The following THRAP3 variants were observed in gnomAD, a reference collection of about 807,000 sequenced individuals.
The protein encoded by THRAP3 is thyroid hormone receptor associated protein 3, also known as thyroid hormone receptor-associated protein 3.
Under a neutral mutation model 101.0 loss-of-function variants are expected in THRAP3, and 16 were observed. The observed-to-expected ratio is 0.16, with a 90% CI of 0.11 to 0.24. The LOEUF (loss-of-function observed/expected upper bound fraction) is 0.24, where lower values mean the gene tolerates loss of function less well. THRAP3 is among the 10% of genes least tolerant of loss of function. The pLI is 1.00. For synonymous variants in THRAP3, 407 were observed against 422.6 expected, an observed-to-expected ratio of 0.96 and a Z score of 0.45; for missense variants, 989 against 1,202.7, an observed-to-expected ratio of 0.82 and a Z score of 2.63.
chr1:36,249,719 T>TGTGTGTGTGTGTGTGG (rs778135723), intron 1 of THRAP3, among the ~76,000 whole-genome samples: 1 of 149,158 alleles, frequency 6.7e-6, no homozygotes, highest in South Asian at 2.1e-4. Flanking sequence ...TGTGTGTGTG[T>TGTGTGTGTGTGTGTGG]GGTGGAGGTT....
At chr1:36,291,254 C>T (rs1430432039) in intron 5 of THRAP3, 120 bp from the exon 6 acceptor site, 22 of 1,055,436 alleles carry the variant, frequency 2.1e-5, no homozygotes, top group Admixed American at 5.6e-5. Context: ...CTTTCAACTT[C>T]GGTAGGAAGA....
At chr1:36,254,208 C>T (rs548325548) in intron 1 of THRAP3, among the ~76,000 whole-genome samples, 3 of 152,268 alleles carry the variant, frequency 2.0e-5, no homozygotes, top group African/African-American at 7.2e-5. Context: ...GATAAATAAC[C>T]TTACATTTTC....
At chr1:36,269,775 C>T (rs1645564884) in intron 2 of THRAP3, among the ~76,000 whole-genome samples, 1 of 151,900 alleles carries the variant, frequency 6.6e-6, no homozygotes, top group Admixed American at 6.6e-5. Context: ...GACAGGGTCT[C>T]ACTATGTTGC....
At chr1:36,279,639 T>C (rs1238491164) in intron 2 of THRAP3, among the ~76,000 whole-genome samples, 2 of 152,164 alleles carry the variant, frequency 1.3e-5, no homozygotes, top group Admixed American at 6.6e-5. Context: ...GTTCTTGGCA[T>C]CCTCATCTAG....
At chr1:36,226,175 G>C (rs757166722) in intron 1 of THRAP3, among the ~76,000 whole-genome samples, 2 of 152,194 alleles carry the variant, frequency 1.3e-5, no homozygotes, top group Non-Finnish European at 2.9e-5. Flanking sequence ...CGAGGAATTG[G>C]AGGGAGGAAG....
At chr1:36,282,412 T>G (rs2124583143) in intron 2 of THRAP3, 121 bp from the exon 3 acceptor site, 1 of 648,968 alleles carries the variant, frequency 1.5e-6, no homozygotes, top group South Asian at 2.5e-5. Context: ...TTTTTTTTTT[T>G]GTAGATATGG....
chr1:36,274,244 G>A (rs1258341801), intron 2 of THRAP3, among the ~76,000 whole-genome samples: 2 of 152,068 alleles, frequency 1.3e-5, no homozygotes, highest in Non-Finnish European at 2.9e-5. Context: ...ATTTAACAAA[G>A]GCCAGTGTAA....
At chr1:36,210,726 T>TATATG in the THRAP3 span, among the ~76,000 whole-genome samples, 1 of 1,848 alleles carries the variant, frequency 5.4e-4, no homozygotes, top group African/African-American at 1.1e-3. Context: ...TATATATATA[T>TATATG]ATATATATAT....
intron 1 of THRAP3, among the ~76,000 whole-genome samples, chr1:36,235,937 C>A (rs1029256525): frequency 2.0e-5 from 3 of 152,010 alleles, no homozygotes; most frequent in Non-Finnish European, 2.9e-5. Flanking sequence ...AGGATTAATG[C>A]TTTTGTTTGG....
In THRAP3 at chr1:36,229,070, T is replaced by C. The variant is rs150971134; in HGVS notation, c.-135+4565T>C. 2.1e-3 allele frequency among the ~76,000 whole-genome samples: 316 copies of C among 152,218 alleles called. 2 individuals carry two copies. The highest frequency in any genetic ancestry group is 3.4e-3 in the Middle Eastern group (1 of 294). ...AGACATGGGTACCCTTTCTAAAAGA[T>C]TGACTTTATTAATTTTTCAAGGGAA... On this transcript the variant is annotated intron_variant, in intron 1 of 11. Coordinates refer to ENST00000354618, the MANE Select transcript of THRAP3 (RefSeq NM_005119.4).
At position 36,291,937 on chromosome 1, in the gene THRAP3, C is replaced by G. The variant is rs1417214512; in HGVS notation, c.1918+391C>G. Among the ~76,000 whole-genome samples, 3 of 152,068 alleles carry G rather than the reference C, an allele frequency of 2.0e-5. No homozygotes were observed. In the South Asian group the frequency reaches 6.2e-4, roughly 32 times the overall value. ...ATCCCCCTGGGCAAATGGGGTTGGG[C>G]AAGTTAGGGAATGACTAAGAGAAGT... On this transcript the variant is annotated intron_variant, in intron 6 of 11. Transcript: ENST00000354618.
intron 1 of THRAP3, among the ~76,000 whole-genome samples, chr1:36,241,445 A>G (rs1057243705): frequency 6.8e-6 from 1 of 147,832 alleles, no homozygotes; most frequent in Non-Finnish European, 1.5e-5. Flanking sequence ...ATATAAATAA[A>G]TATATATTCT....
intron 4 of THRAP3, 137 bp downstream of exon 4, chr1:36,287,407 T>A: frequency 1.4e-6 from 2 of 1,388,952 alleles, no homozygotes; most frequent in Non-Finnish European, 1.9e-6. Flanking sequence ...TTAGTAAACA[T>A]TAAAAGCATC....
intron 2 of THRAP3, among the ~76,000 whole-genome samples, chr1:36,269,569 C>G (rs1273804225): frequency 1.3e-5 from 2 of 152,086 alleles, no homozygotes; most frequent in Non-Finnish European, 2.9e-5. Flanking sequence ...AACTGATTCT[C>G]TTTTTAGATG....
In THRAP3 at chr1:36,287,190, T is replaced by G. The variant is rs773711351; in HGVS notation, c.960T>G (p.Ser320Arg). 2.5e-6 allele frequency: 4 copies of G among 1,613,800 alleles called. No individual in the cohort carries two copies. The highest frequency in any genetic ancestry group is 1.3e-5 in the African/African-American group (1 of 74,814). The part of the protein sequence containing the change: ...SPSKKSPVGK[S>R]PPSTGSTYGS... The stretch of plus-strand genomic sequence containing the variant: ...CCAAAAAGAGCCCTGTGGGTAAGAG[T>G]CCACCATCCACTGGCTCCACATATG... Residue 320 changes from serine (S) to arginine (R), a missense_variant, in exon 4 of 12, where the codon AGT (serine) becomes AGG (arginine). Ser to Arg is a moderately radical substitution (Grantham distance 110). Transcript: ENST00000354618.
At chr1:36,225,559 T>C (rs748586387) in intron 1 of THRAP3, 2 of 152,180 alleles carry the variant, frequency 1.3e-5, no homozygotes, top group Non-Finnish European at 2.9e-5. Context: ...TATCATCATT[T>C]ATAGGTTTTT....
chr1:36,237,634 T>C (rs982322670), intron 1 of THRAP3, among the ~76,000 whole-genome samples: 1 of 151,366 alleles, frequency 6.6e-6, no homozygotes, highest in African/African-American at 2.4e-5. Flanking sequence ...AGCCAGGCAT[T>C]GTGGCGGGCG....
At chr1:36,240,127 G>A (rs1256429044) in intron 1 of THRAP3, among the ~76,000 whole-genome samples, 4 of 152,154 alleles carry the variant, frequency 2.6e-5, no homozygotes, top group African/African-American at 9.7e-5. Context: ...GAACCAAAGG[G>A]TATATGTATA....
rs1443298901 is a variant in THRAP3 at position 36,291,471 on chromosome 1, C to A, written c.1843C>A (p.Gln615Lys). The change falls in exon 6 of 12, where the codon CAA (glutamine) becomes AAA (lysine). Residue 615 changes from glutamine (Q) to lysine (K), a missense_variant. By Grantham distance (53) the Gln-to-Lys change is moderately conservative. Transcript: ENST00000354618. Reference protein sequence around the residue: ...QEFRSIFQHIQSAQSQRSPSE... With the variant: ...QEFRSIFQHIKSAQSQRSPSE... ...GTTTCGTTCCATTTTCCAGCACATA[C>A]AATCAGCTCAGTCTCAGCGTAGCCC... 1.9e-6 allele frequency: 3 copies of A among 1,614,074 alleles called. No homozygotes were observed. Among genetic ancestry groups the A allele is most frequent in the Admixed American group, 1.7e-5 (1 of 59,996 alleles).
Sources: allele counts gnomAD v4.1 joint callset (sites outside exome capture counted in the v4.1 genomes callset), GRCh38; gene constraint gnomAD v4.1.1; transcripts MANE v1.5; gene names NCBI Gene and HGNC (gene_info 2026-07-23, HGNC 2026-07-21).